PTBP2: variants seen among roughly 807,000 people sequenced by gnomAD.
PTBP2 encodes the protein polypyrimidine tract binding protein 2.
A neutral mutation model predicts 61.4 loss-of-function variants in PTBP2; 13 were observed. The observed-to-expected ratio is 0.21, with a 90% CI of 0.14 to 0.34. The LOEUF (loss-of-function observed/expected upper bound fraction) is 0.34. Ranked by LOEUF, PTBP2 falls within the 10% of genes least tolerant of loss-of-function variation. The probability of loss-of-function intolerance (pLI) is 1.00; values close to 1 mark genes in which losing one functional copy is unlikely to be tolerated. For synonymous variants in PTBP2, 215 were observed against 218.5 expected (o/e 0.98, Z 0.14); for missense variants, 405 against 642.6 (o/e 0.63, Z 4.00).
At position 96,769,759 on chromosome 1, in the gene PTBP2, T is replaced by C; in HGVS notation, c.172T>C (p.Ser58Pro). The C allele has an allele frequency of 6.2e-7, 1 of 1,610,336 alleles. No homozygotes were observed. The highest frequency in any genetic ancestry group is 8.5e-7 in the Non-Finnish European group (1 of 1,178,090). ...KGEDKMDGAP[S>P]RVLHIRKLPG... ...AGAAGATAAAATGGATGGTGCTCCT[T>C]CTCGTGTACTTCATATTCGAAAATT... is the stretch of plus-strand genomic sequence containing the variant. Residue 58 changes from serine (S) to proline (P), a missense_variant, in exon 4 of 14, where the codon TCT (serine) becomes CCT (proline). By Grantham distance (74) the Ser-to-Pro change is moderately conservative. Transcript: ENST00000674951.
rs1044349693 is a variant in PTBP2 at position 96,814,837 on chromosome 1, C to T, written c.*1432C>T. On this transcript the variant is annotated 3_prime_UTR_variant, in exon 14 of 14. Transcript: ENST00000674951. ...TGTTTAATTTCATTTTGTGTGTACTCTGCTTACCCCTGTAGCATGCTCAAT... is the reference window on the plus strand; with the variant it reads ...TGTTTAATTTCATTTTGTGTGTACTTTGCTTACCCCTGTAGCATGCTCAAT... The T allele has an allele frequency of 6.6e-6, 1 of 152,504 alleles. No individual in the cohort carries two copies. The highest frequency in any genetic ancestry group is 2.1e-4 in the South Asian group (1 of 4,834). The allele number at this position is 152,504 out of a possible 1,614,324, so 9.4% of individuals were successfully genotyped here. A position where few individuals can be genotyped will look rare whatever the true frequency, so the allele number is the denominator to read the frequency against.
chr1:96,803,581 A>G (rs1196146588), intron 8 of PTBP2, among the ~76,000 whole-genome samples: 1 of 151,834 alleles, frequency 6.6e-6, no homozygotes, highest in Non-Finnish European at 1.5e-5. Flanking sequence ...TAAGTCAAAA[A>G]CTTAGGTTAA....
chr1:96,789,112 G>T (rs939813066), intron 8 of PTBP2, among the ~76,000 whole-genome samples: 3 of 151,806 alleles, frequency 2.0e-5, no homozygotes, highest in Non-Finnish European at 4.4e-5. Context: ...AAAAATTGCT[G>T]GAAGTAATTT....
At chr1:96,728,225 G>A (rs901486145) in intron 2 of PTBP2, among the ~76,000 whole-genome samples, 7 of 152,092 alleles carry the variant, frequency 4.6e-5, no homozygotes, top group East Asian at 1.9e-4. Flanking sequence ...GGCCTCAAGC[G>A]ATCTTTCTGC....
At chr1:96,747,554 T>C (rs1188240163) in intron 2 of PTBP2, among the ~76,000 whole-genome samples, 1 of 146,580 alleles carries the variant, frequency 6.8e-6, no homozygotes, top group African/African-American at 2.8e-5. Flanking sequence ...AGATAGTCAA[T>C]TAAATTGAAA....
chr1:96,733,381 T>C (rs1031118485), intron 2 of PTBP2, among the ~76,000 whole-genome samples: 3 of 152,176 alleles, frequency 2.0e-5, no homozygotes, highest in African/African-American at 7.2e-5. Context: ...TTTTAACCTA[T>C]TCTCAAGAAA....
In PTBP2 at chr1:96,796,945, G is replaced by A. The variant is rs72976457; in HGVS notation, c.905-7855G>A. Among the ~76,000 whole-genome samples, 696 of 152,254 alleles carry A rather than the reference G, an allele frequency of 4.6e-3. 3 individuals are homozygous for A. The highest frequency in any genetic ancestry group is 0.016 in the African/African-American group (655 of 41,550). On this transcript the variant is annotated intron_variant, in intron 8 of 13. Coordinates refer to ENST00000674951, the MANE Select transcript of PTBP2 (RefSeq NM_021190.4). ...AGACAGAGGAAAGAAAAATGAAGATGTATCAAAAGAAGTTGCTAATATGGA... is the reference window on the plus strand; with the variant it reads ...AGACAGAGGAAAGAAAAATGAAGATATATCAAAAGAAGTTGCTAATATGGA...
chr1:96,814,751 A>G lies in PTBP2; in HGVS notation c.*1346A>G, dbSNP rs1225102167. 2 of 152,532 alleles carry G rather than the reference A, an allele frequency of 1.3e-5. No individual in the cohort carries two copies. Among genetic ancestry groups the G allele is most frequent in the African/African-American group, 4.8e-5 (2 of 41,434 alleles). The allele number at this position is 152,532 out of a possible 1,614,324, so 9.4% of individuals were successfully genotyped here. On this transcript the variant is annotated 3_prime_UTR_variant, in exon 14 of 14. Coordinates refer to ENST00000674951, the MANE Select transcript of PTBP2 (RefSeq NM_021190.4). The stretch of plus-strand genomic sequence containing the variant: ...CATCTTTAGAAATGTAAAATTCAGT[A>G]TAGTTTGAAAGCGGCACAATTAAAA...
At chr1:96,791,991 G>A (rs532860956) in intron 8 of PTBP2, among the ~76,000 whole-genome samples, 7 of 151,724 alleles carry the variant, frequency 4.6e-5, no homozygotes, top group East Asian at 3.9e-4. Flanking sequence ...ACGCCACCAC[G>A]CCCAGCTAAT....
At chr1:96,802,176 A>C (rs1448291201) in intron 8 of PTBP2, among the ~76,000 whole-genome samples, 1 of 136,794 alleles carries the variant, frequency 7.3e-6, no homozygotes, top group Non-Finnish European at 1.5e-5. Flanking sequence ...ACGCCACTGC[A>C]CTCCAACCTG....
Position 96,777,817 on chromosome 1 carries a change from G to T in PTBP2, c.598-19G>T. 1 of 1,541,742 alleles carries T rather than the reference G, an allele frequency of 6.5e-7. No individual in the cohort carries two copies. The highest frequency in any genetic ancestry group is 1.2e-5 in the South Asian group (1 of 80,060). ...TAATATAGTAAATAAGTAATGTTTT[G>T]ATTTTAATGTTTTAACAGATATTTT... On this transcript the variant is annotated intron_variant, in intron 6 of 13. Coordinates refer to ENST00000674951, the MANE Select transcript of PTBP2 (RefSeq NM_021190.4).
intron 11 of PTBP2, among the ~76,000 whole-genome samples, chr1:96,810,084 C>CA (rs1187394041): frequency 2.1e-5 from 3 of 142,122 alleles, no homozygotes; most frequent in Non-Finnish European, 4.6e-5. Context: ...ATCATATAAA[C>CA]ACCACTATGT....
intron 2 of PTBP2, among the ~76,000 whole-genome samples, chr1:96,733,662 A>G (rs568245784): frequency 7.2e-5 from 11 of 152,294 alleles, no homozygotes; most frequent in African/African-American, 2.6e-4. Context: ...GAGGAGATCC[A>G]GTCTCAAAAA....
intron 3 of PTBP2, among the ~76,000 whole-genome samples, chr1:96,759,078 G>C (rs764006320): frequency 6.6e-6 from 1 of 150,864 alleles, no homozygotes; most frequent in Non-Finnish European, 1.5e-5. Context: ...AAAAAAATTT[G>C]ACAAAAGATA....
chr1:96,739,481 A>G (rs892658340), intron 2 of PTBP2, among the ~76,000 whole-genome samples: 3 of 152,064 alleles, frequency 2.0e-5, no homozygotes, highest in African/African-American at 7.2e-5. Flanking sequence ...TCTGCTGGTA[A>G]CCAGCATTCT....
intron 9 of PTBP2, 59 bp from the exon 10 acceptor site, chr1:96,806,360 T>C: frequency 7.6e-7 from 1 of 1,322,426 alleles, no homozygotes; most frequent in Non-Finnish European, 1.1e-6. Context: ...TCATCTCCGC[T>C]CTTCCTCGAC....
chr1:96,793,733 C>T (rs1291778306), intron 8 of PTBP2, among the ~76,000 whole-genome samples: 1 of 152,040 alleles, frequency 6.6e-6, no homozygotes. Context: ...TAATTTGAAG[C>T]TGTGTCTTTT....
intron 2 of PTBP2, among the ~76,000 whole-genome samples, chr1:96,730,087 A>G (rs1651197809): frequency 6.6e-6 from 1 of 152,112 alleles, no homozygotes; most frequent in Admixed American, 6.5e-5. Context: ...CAGCTTTCTC[A>G]TTCCCAGTAG....
At chr1:96,795,006 G>A (rs1432085866) in intron 8 of PTBP2, among the ~76,000 whole-genome samples, 1 of 152,158 alleles carries the variant, frequency 6.6e-6, no homozygotes, top group Non-Finnish European at 1.5e-5. Context: ...TTTATGACTG[G>A]AAGATGAGCA....
Sources: allele counts gnomAD v4.1 joint callset (sites outside exome capture counted in the v4.1 genomes callset), GRCh38; gene constraint gnomAD v4.1.1; transcripts MANE v1.5; gene names NCBI Gene and HGNC (gene_info 2026-07-23, HGNC 2026-07-21).